PTPN13: variants seen among roughly 807,000 people sequenced by gnomAD.
PTPN13 encodes the protein protein tyrosine phosphatase non-receptor type 13.
A neutral mutation model predicts 284.0 loss-of-function variants in PTPN13; 191 were observed. The ratio of observed to expected loss-of-function variants is 0.67; its 90% CI spans 0.60 to 0.76. PTPN13 has a LOEUF of 0.76. PTPN13 is among the 30% of genes least tolerant of loss of function. PTPN13 has a pLI of 0.00. For synonymous variants in PTPN13, 986 were observed against 1,022.3 expected (o/e 0.96, Z 0.68); for missense variants, 2,797 against 2,939.9 (o/e 0.95, Z 1.12).
chr4:86,708,149 A>G (rs1333194486), intron 7 of PTPN13, among the ~76,000 whole-genome samples: 1 of 152,182 alleles, frequency 6.6e-6, no homozygotes, highest in Non-Finnish European at 1.5e-5. Flanking sequence ...TAGGTAGTGC[A>G]ACTGAGGAAC....
chr4:86,672,681 T>C (rs1034691728), intron 3 of PTPN13, 138 bp downstream of exon 3: 1 of 671,572 alleles, frequency 1.5e-6, no homozygotes, highest in Non-Finnish European at 2.3e-6. Context: ...GTTCAGTTAT[T>C]TTATTTAAGA....
At chr4:86,756,764 G>C (rs1427736273) in intron 20 of PTPN13, among the ~76,000 whole-genome samples, 1 of 152,094 alleles carries the variant, frequency 6.6e-6, no homozygotes, top group Non-Finnish European at 1.5e-5. Context: ...TTTGTTTTGT[G>C]ACATATTAAT....
chr4:86,736,443 C>T (rs1161554812), intron 15 of PTPN13, among the ~76,000 whole-genome samples: 1 of 152,132 alleles, frequency 6.6e-6, no homozygotes, highest in Admixed American at 6.5e-5. Context: ...GCCTTCCATT[C>T]ACTGCTGCAT....
At chr4:86,706,630 A>G (rs1417450652) in intron 7 of PTPN13, among the ~76,000 whole-genome samples, 2 of 152,192 alleles carry the variant, frequency 1.3e-5, no homozygotes, top group Admixed American at 1.3e-4. Context: ...AAAAGCAGTG[A>G]TTGGCATTGA....
intron 2 of PTPN13, among the ~76,000 whole-genome samples, chr4:86,654,224 T>C (rs916707795): frequency 6.6e-6 from 1 of 152,102 alleles, no homozygotes; most frequent in African/African-American, 2.4e-5. Context: ...AAAAAATCAA[T>C]GAATCCAGGA....
At chr4:86,705,030 T>C (rs946618441) in intron 7 of PTPN13, among the ~76,000 whole-genome samples, 4 of 152,134 alleles carry the variant, frequency 2.6e-5, no homozygotes, top group Non-Finnish European at 4.4e-5. Context: ...TTTCTAAAGG[T>C]GAGGTAATTT....
rs778808307 is a variant in PTPN13 at position 86,759,063 on chromosome 4, G to T, written c.3543G>T (p.Lys1181Asn). Residue 1181 changes from lysine to asparagine, a missense_variant, in exon 23 of 48, where the codon AAG (lysine) becomes AAT (asparagine). By Grantham distance (94) the Lys-to-Asn change is moderately conservative. Transcript: ENST00000411767. ...VTLVISQPKE[K>N]ISKVPSTPVH... ...TTGTTATCTCTCAGCCAAAAGAAAA[G>T]ATATCCAAAGGTAATGTGAATGTCT... The T allele has an allele frequency of 3.1e-6, 5 of 1,612,836 alleles. No homozygotes were observed. The South Asian group carries it at 3.3e-5, about 11-fold the overall frequency.
intron 23 of PTPN13, among the ~76,000 whole-genome samples, chr4:86,761,382 T>C (rs1738680094): frequency 6.6e-6 from 1 of 152,038 alleles, no homozygotes; most frequent in Non-Finnish European, 1.5e-5. Context: ...ATTATAAATG[T>C]TACTCCAACA....
intron 20 of PTPN13, among the ~76,000 whole-genome samples, chr4:86,757,844 A>C (rs1738162789): frequency 6.6e-6 from 1 of 152,062 alleles, no homozygotes; most frequent in Admixed American, 6.5e-5. Flanking sequence ...ATAAATTAAA[A>C]TGCCAACCAT....
chr4:86,729,608 C>A (rs1479052052), intron 10 of PTPN13, among the ~76,000 whole-genome samples: 1 of 149,506 alleles, frequency 6.7e-6, no homozygotes, highest in Non-Finnish European at 1.5e-5. Context: ...ATCAGTGATA[C>A]CCTTTCTTCC....
At chr4:86,767,696 G>T in intron 27 of PTPN13, 121 bp from the exon 28 acceptor site, 19 of 752,630 alleles carry the variant, frequency 2.5e-5, no homozygotes, top group South Asian at 1.2e-4. Flanking sequence ...CCTTCATTTG[G>T]TGGACCAAAT....
chr4:86,651,825 T>A (rs111822710), intron 2 of PTPN13, among the ~76,000 whole-genome samples: 1 of 152,204 alleles, frequency 6.6e-6, no homozygotes, highest in African/African-American at 2.4e-5. Flanking sequence ...TCAGTTGTAA[T>A]GTCCCCTTTT....
rs750632263 is a variant in PTPN13, at chr4:86,803,840, C to T, written c.6637C>T (p.Pro2213Ser). Residue 2213 changes from proline (P) to serine (S), a missense_variant, in exon 43 of 48, where the codon CCT (proline) becomes TCT (serine). Physicochemically the swap from Pro to Ser is moderately conservative, Grantham distance 74. Coordinates refer to ENST00000411767, the MANE Select transcript of PTPN13 (RefSeq NM_080683.3). ...GCGGGGTTTGCTAGATCAAGGAATT[C>T]CTTCTAAGGAGCTGGAGGTAAGTGG... ...VLRGLLDQGI[P>S]SKELENLQEL... 1.2e-6 allele frequency: 2 copies of T among 1,613,502 alleles called. No homozygotes were observed. The highest frequency in any genetic ancestry group is 2.7e-5 in the African/African-American group (2 of 75,016).
chr4:86,680,345 ATCTC>A (rs1324031879), intron 3 of PTPN13, among the ~76,000 whole-genome samples: 15 of 134,056 alleles, frequency 1.1e-4, no homozygotes, highest in South Asian at 2.4e-4. Context: ...CTTTCTATCT[ATCTC>A]TATCTATCTA....
At chr4:86,738,372 G>C (rs955926932) in intron 15 of PTPN13, among the ~76,000 whole-genome samples, 3 of 152,102 alleles carry the variant, frequency 2.0e-5, no homozygotes, top group Middle Eastern at 3.2e-3. Flanking sequence ...GACAACACTT[G>C]GTAGTTTCAG....
At position 86,716,514 on chromosome 4, in the gene PTPN13, G is replaced by A; in HGVS notation, c.1196-16G>A. ...AATGAGTTTGCTTTCTAATCTTTTT[G>A]TTTTAATCCTTTTAGAACCAGTTCG... On this transcript the variant is annotated splice_polypyrimidine_tract_variant and intron_variant, in intron 7 of 47. Transcript: ENST00000411767. 1 of 1,477,290 alleles carries A rather than the reference G, an allele frequency of 6.8e-7. No homozygotes were observed. The highest frequency in any genetic ancestry group is 1.3e-5 in the South Asian group (1 of 79,190). 91.5% of individuals were successfully genotyped at this position (1,477,290 alleles called of 1,614,324 possible). A position where few individuals can be genotyped will look rare whatever the true frequency, so the allele number is the denominator to read the frequency against.
intron 2 of PTPN13, among the ~76,000 whole-genome samples, chr4:86,637,840 CAGG>C (rs1169100179): frequency 6.9e-6 from 1 of 145,280 alleles, no homozygotes; most frequent in Non-Finnish European, 1.5e-5. Flanking sequence ...GGCAATTAGG[CAGG>C]AGAAGGAAAT....
At chr4:86,600,676 G>A (rs923722532) in intron 1 of PTPN13, among the ~76,000 whole-genome samples, 4 of 151,724 alleles carry the variant, frequency 2.6e-5, no homozygotes, top group African/African-American at 9.7e-5. Flanking sequence ...ATTCAAAGTT[G>A]TGTTCTGTTT....
intron 1 of PTPN13, among the ~76,000 whole-genome samples, chr4:86,629,230 T>G (rs1183755337): frequency 6.8e-6 from 1 of 146,806 alleles, no homozygotes; most frequent in Non-Finnish European, 1.5e-5. Context: ...GAATCTACAA[T>G]GAACTCAAAC....
Sources: allele counts gnomAD v4.1 joint callset (sites outside exome capture counted in the v4.1 genomes callset), GRCh38; gene constraint gnomAD v4.1.1; transcripts MANE v1.5; gene names NCBI Gene and HGNC (gene_info 2026-07-23, HGNC 2026-07-21).